Variants in SYNJ1 observed in about 807,000 individuals in gnomAD.
SYNJ1 encodes the protein synaptojanin 1, also known as polyphosphatidylinositol phosphatase SYNJ1.
In SYNJ1, 78 loss-of-function variants were observed where a neutral mutation model predicts 168.2. That is an observed-to-expected ratio of 0.46 (90% CI 0.39 to 0.56). SYNJ1 has a LOEUF of 0.56. SYNJ1 is among the 20% of genes least tolerant of loss of function. The pLI is 0.00. For synonymous variants in SYNJ1, 539 were observed against 548.6 expected (o/e 0.98, Z 0.24); for missense variants, 1,303 against 1,597.6 (o/e 0.82, Z 3.14).
At position 32,685,865 on chromosome 21, in the gene SYNJ1, T is replaced by A; in HGVS notation, c.1001A>T (p.Asp334Val). The change falls in exon 9 of 33, where the codon GAC (aspartate) becomes GTC (valine). Residue 334 changes from aspartate to valine, a missense_variant. Asp to Val is a radical substitution (Grantham distance 152). This residue lies in a region of SYNJ1 where 920 missense variants were observed against 1,208.8 expected (regional missense o/e 0.76). Coordinates refer to ENST00000674351, the MANE Select transcript of SYNJ1 (RefSeq NM_203446.3). ...HAADIQMVNF[D>V]YHQMVKGGKA... The stretch of plus-strand genomic sequence containing the variant: ...TCCTCCCTTAACCATTTGATGATAG[T>A]CAAAATTCACCATCTGGATATCAGC... 6.2e-7 allele frequency: 1 copy of A among 1,612,906 alleles called. No individual in the cohort carries two copies. The highest frequency in any genetic ancestry group is 1.7e-4 in the Middle Eastern group (1 of 6,050).
intron 29 of SYNJ1, among the ~76,000 whole-genome samples, chr21:32,640,681 T>C (rs1173005715): frequency 6.6e-6 from 1 of 151,528 alleles, no homozygotes; most frequent in East Asian, 1.9e-4. Flanking sequence ...TCCAATGTAG[T>C]CCCCTGCGTA....
intron 23 of SYNJ1, 81 bp from the exon 24 acceptor site, chr21:32,646,683 T>C (rs2040087630): frequency 2.0e-6 from 2 of 1,016,748 alleles, no homozygotes; most frequent in East Asian, 2.4e-5. Context: ...TTTAAAAAGT[T>C]AAAATACACA....
chr21:32,653,047 G>T (rs964621125), intron 22 of SYNJ1, among the ~76,000 whole-genome samples: 2 of 152,092 alleles, frequency 1.3e-5, no homozygotes, highest in African/African-American at 4.8e-5. Context: ...ATCAAATTAG[G>T]TGCTAAACAT....
chr21:32,723,632 C>G (rs1053541126), intron 2 of SYNJ1, among the ~76,000 whole-genome samples: 20 of 152,058 alleles, frequency 1.3e-4, no homozygotes, highest in African/African-American at 4.3e-4. Context: ...AGCAGGGCAA[C>G]ATGAGGAAGC....
chr21:32,700,558 G>A (rs1178858095), intron 3 of SYNJ1, among the ~76,000 whole-genome samples: 3 of 152,156 alleles, frequency 2.0e-5, no homozygotes, highest in Non-Finnish European at 4.4e-5. Flanking sequence ...AGGAGGCTGA[G>A]GCAGGAGAAT....
At chr21:32,714,173 A>C (rs1053657448) in intron 2 of SYNJ1, among the ~76,000 whole-genome samples, 4 of 152,214 alleles carry the variant, frequency 2.6e-5, no homozygotes, top group African/African-American at 9.6e-5. Flanking sequence ...GACGCCAGAA[A>C]GAATTTGGTA....
intron 6 of SYNJ1, among the ~76,000 whole-genome samples, chr21:32,691,247 G>A (rs536242893): frequency 6.6e-5 from 10 of 152,160 alleles, no homozygotes; most frequent in Non-Finnish European, 1.3e-4. Flanking sequence ...TAGTGAGTGA[G>A]TTCTCATGAG....
At chr21:32,640,306 G>T (rs1229672625) in intron 29 of SYNJ1, among the ~76,000 whole-genome samples, 36 of 150,192 alleles carry the variant, frequency 2.4e-4, no homozygotes, top group South Asian at 6.3e-4. Context: ...TTTTTTTTTG[G>T]TTTTTTTTTG....
chr21:32,630,847 T>A lies in SYNJ1; in HGVS notation c.*958A>T. 2 of 761,250 alleles carry A rather than the reference T, an allele frequency of 2.6e-6. No homozygotes were observed. Among genetic ancestry groups the A allele is most frequent in the Non-Finnish European group, 4.1e-6 (2 of 486,906 alleles). 47.2% of individuals were successfully genotyped at this position (761,250 alleles called of 1,614,324 possible). The stretch of plus-strand genomic sequence containing the variant: ...TTCCTTATTTCCAATATACACATAG[T>A]CCAACTCTGTACACATCAAATAGTG... On this transcript the variant is annotated 3_prime_UTR_variant, in exon 33 of 33. Transcript: ENST00000674351.
At chr21:32,701,673 AAGG>A (rs1204844735) in intron 3 of SYNJ1, among the ~76,000 whole-genome samples, 1 of 152,150 alleles carries the variant, frequency 6.6e-6, no homozygotes, top group African/African-American at 2.4e-5. Context: ...AATCAACAAA[AAGG>A]AGAATGTTCT....
intron 6 of SYNJ1, among the ~76,000 whole-genome samples, chr21:32,693,313 G>GTT (rs2042092764): frequency 6.6e-6 from 1 of 152,080 alleles, no homozygotes; most frequent in Admixed American, 6.6e-5. Flanking sequence ...ATCTATTTAC[G>GTT]TTATCCCTAC....
intron 23 of SYNJ1, 22 bp from the exon 24 acceptor site, chr21:32,646,624 C>A: frequency 1.3e-6 from 2 of 1,583,136 alleles, no homozygotes; most frequent in East Asian, 2.2e-5. Flanking sequence ...CAGGCTTGAT[C>A]AGAGATAACT....
At position 32,650,304 on chromosome 21, in the gene SYNJ1, A is replaced by T; in HGVS notation, c.2917T>A (p.Trp973Arg). 3 of 1,613,686 alleles carry T rather than the reference A, an allele frequency of 1.9e-6. No individual in the cohort carries two copies. The highest frequency in any genetic ancestry group is 2.5e-6 in the Non-Finnish European group (3 of 1,179,894). ...ATTTCTTCTTCCAAATTTTTGATCC[A>T]GTCTGGACTTTTTAAAGCAATAGTT... ...TITIALKSPDWIKNLEEEMSL... is the reference protein window; with the variant it reads ...TITIALKSPDRIKNLEEEMSL... The change falls in exon 23 of 33, where the codon TGG becomes AGG. Residue 973 changes from tryptophan to arginine, a missense_variant. Physicochemically the swap from Trp to Arg is moderately radical, Grantham distance 101 (BLOSUM62 -3). Transcript: ENST00000674351.
intron 2 of SYNJ1, among the ~76,000 whole-genome samples, chr21:32,703,949 G>A (rs1396309984): frequency 1.3e-5 from 2 of 151,820 alleles, no homozygotes; most frequent in African/African-American, 2.4e-5. Context: ...GGAAACTCTC[G>A]GGCTCAAGCA....
chr21:32,708,292 G>A (rs1430854286), intron 2 of SYNJ1, among the ~76,000 whole-genome samples: 1 of 152,250 alleles, frequency 6.6e-6, no homozygotes, highest in African/African-American at 2.4e-5. Context: ...GGAAGATACC[G>A]TGTTAGGGAG....
intron 9 of SYNJ1, among the ~76,000 whole-genome samples, chr21:32,684,435 A>G (rs990204426): frequency 6.6e-6 from 1 of 152,224 alleles, no homozygotes; most frequent in African/African-American, 2.4e-5. Context: ...TAAAATAAAA[A>G]TATTTATAGA....
rs1176893936 is a variant in SYNJ1 at position 32,630,748 on chromosome 21, T to C, written c.*1057A>G. 2 of 352,752 alleles carry C rather than the reference T, an allele frequency of 5.7e-6. No homozygotes were observed. The highest frequency in any genetic ancestry group is 1.0e-5 in the Non-Finnish European group (2 of 194,948). 21.9% of individuals were successfully genotyped at this position (352,752 alleles called of 1,614,324 possible). A position where few individuals can be genotyped will look rare whatever the true frequency, so the allele number is the denominator to read the frequency against. ...ACTGTTTTCTAAAGTATAAGTACTT[T>C]TTATGGCTACTACTGTCTCCTATTC... is the stretch of plus-strand genomic sequence containing the variant. On this transcript the variant is annotated 3_prime_UTR_variant, in exon 33 of 33. Coordinates refer to ENST00000674351, the MANE Select transcript of SYNJ1 (RefSeq NM_203446.3).
chr21:32,723,521 A>G (rs940185570), intron 2 of SYNJ1, among the ~76,000 whole-genome samples: 1 of 152,212 alleles, frequency 6.6e-6, no homozygotes, highest in African/African-American at 2.4e-5. Flanking sequence ...CCAGCACATA[A>G]GAAGTATGCG....
At chr21:32,661,467 G>A (rs896198125) in intron 18 of SYNJ1, among the ~76,000 whole-genome samples, 4 of 152,134 alleles carry the variant, frequency 2.6e-5, no homozygotes, top group Admixed American at 1.3e-4. Flanking sequence ...AAACTGAAAA[G>A]GCCTACGAAG....
Sources: allele counts gnomAD v4.1 joint callset (sites outside exome capture counted in the v4.1 genomes callset), GRCh38; gene constraint gnomAD v4.1.1; regional missense constraint gnomAD v4.1.1; transcripts MANE v1.5; gene names NCBI Gene and HGNC (gene_info 2026-07-23, HGNC 2026-07-21).